Variants in C4orf50 observed in about 807,000 individuals in gnomAD.
C4orf50 encodes chromosome 4 open reading frame 50, also known as uncharacterized protein C4orf50.
C4orf50 carries 80 observed loss-of-function variants against 77.2 expected under a neutral mutation model. That is an observed-to-expected ratio of 1.04 (90% CI 0.87 to 1.25). C4orf50 has a LOEUF of 1.25. Ranked by LOEUF, C4orf50 falls within the 50% of genes most tolerant of loss-of-function variation. The probability of loss-of-function intolerance (pLI) is 0.00; values close to 1 mark genes in which losing one functional copy is unlikely to be tolerated. For missense variants in C4orf50, 1,257 were observed against 1,152.9 expected (o/e 1.09, Z -1.31); for synonymous variants, 532 against 465.3 (o/e 1.14, Z -1.84).
At chr4:5,911,075 G>GT in intron 7 of C4orf50, among the ~76,000 whole-genome samples, 1 of 151,802 alleles carries the variant, frequency 6.6e-6, no homozygotes, top group African/African-American at 2.4e-5. Flanking sequence ...CTGGCTAATT[G>GT]TTTTTTGTAT....
chr4:5,909,693 G>C (rs1032943195), intron 7 of C4orf50, among the ~76,000 whole-genome samples: 2 of 152,238 alleles, frequency 1.3e-5, no homozygotes, highest in Non-Finnish European at 2.9e-5. Context: ...AGTGGTGAGA[G>C]ATAGGGGTCT....
rs1414308271 is a variant in C4orf50, at chr4:6,009,337, C to A, written c.427-805G>T. On this transcript the variant is annotated intron_variant, in intron 24 of 33. Transcript: ENST00000531445. The surrounding 1 kb of genome is among the most constrained non-coding windows in gnomAD (Gnocchi z 5.6). Reference sequence around the variant, plus strand: ...GGGATAGAACTACGTCTACGTTAATCTTTCAACTACTGTCACCTGCCGCTG... The same window carrying A: ...GGGATAGAACTACGTCTACGTTAATATTTCAACTACTGTCACCTGCCGCTG... Among the ~76,000 whole-genome samples the A allele has an allele frequency of 6.6e-6, 1 of 152,230 alleles. No individual in the cohort carries two copies. The highest frequency in any genetic ancestry group is 2.4e-5 in the African/African-American group (1 of 41,464).
chr4:5,912,690 AG>A (rs1716861816), intron 7 of C4orf50, among the ~76,000 whole-genome samples: 1 of 152,218 alleles, frequency 6.6e-6, no homozygotes, highest in African/African-American at 2.4e-5. Context: ...AAGGCCACAG[AG>A]GGAAGCAGGA....
intron 7 of C4orf50, among the ~76,000 whole-genome samples, chr4:5,949,989 C>CA (rs374177600): frequency 0.6 from 69,489 of 114,990 alleles, 20,238 homozygotes; most frequent in Non-Finnish European, 0.69. Flanking sequence ...AACTCCATCT[C>CA]AAAAAAAAAA....
At chr4:6,012,665 C>T (rs1373176643) in intron 23 of C4orf50, among the ~76,000 whole-genome samples, 1 of 152,160 alleles carries the variant, frequency 6.6e-6, no homozygotes, top group Non-Finnish European at 1.5e-5. Context: ...GGCTATGTCA[C>T]AAGCAGGCAT....
intron 31 of C4orf50, among the ~76,000 whole-genome samples, chr4:5,969,281 T>C (rs1023957497): frequency 3.3e-5 from 5 of 151,952 alleles, no homozygotes; most frequent in South Asian, 2.1e-4. Flanking sequence ...GCCTGGATCC[T>C]TGGAGGCCCA....
At chr4:5,934,439 T>C (rs566380959) in intron 7 of C4orf50, among the ~76,000 whole-genome samples, 1 of 152,352 alleles carries the variant, frequency 6.6e-6, no homozygotes, top group South Asian at 2.1e-4. Flanking sequence ...GTGTGGCTTG[T>C]CATCCCTGCA....
At chr4:5,975,927 T>G (rs1425235719) in exon 30 of C4orf50, 11 of 1,614,044 alleles carry the variant, frequency 6.8e-6, no homozygotes, top group Non-Finnish European at 9.3e-6. Flanking sequence ...CAACTTTGCT[T>G]CATGTTGCTT....
At chr4:5,999,432 A>G (rs1365921875) in intron 25 of C4orf50, among the ~76,000 whole-genome samples, 1 of 152,192 alleles carries the variant, frequency 6.6e-6, no homozygotes, top group Non-Finnish European at 1.5e-5. Context: ...AAAGTTGATG[A>G]AAGTCGGCTT....
intron 25 of C4orf50, among the ~76,000 whole-genome samples, chr4:5,995,151 G>A (rs1379657915): frequency 6.6e-6 from 1 of 152,102 alleles, no homozygotes; most frequent in East Asian, 1.9e-4. Flanking sequence ...TTCCTGTGCA[G>A]AGGTCCAGGG....
rs1401461611 is a variant in C4orf50 at position 5,901,220 on chromosome 4, T to C, written c.*2475-3032A>G. 1 of 152,252 alleles carries C rather than the reference T, an allele frequency of 6.6e-6. No individual in the cohort carries two copies. The highest frequency in any genetic ancestry group is 6.5e-5 in the Admixed American group (1 of 15,288). 9.4% of individuals were successfully genotyped at this position (152,252 alleles called of 1,614,324 possible). On this transcript the variant is annotated intron_variant, in intron 7 of 7. Transcript: ENST00000324058. This position sits in a 1 kb window ranked among gnomAD's most constrained non-coding sequence, Gnocchi z 4.4. ...AATTGTCATATGACAGATCACCTTG[T>C]TCATAATGGCACACAGTAGGTGTAT...
chr4:5,945,774 T>C (rs750925240), intron 7 of C4orf50, among the ~76,000 whole-genome samples: 16 of 152,200 alleles, frequency 1.1e-4, no homozygotes, highest in Non-Finnish European at 2.1e-4. Flanking sequence ...GGCTGGGCCC[T>C]GGGCTGGGCT....
Position 5,958,961 on chromosome 4 carries a change from G to A in C4orf50, c.*414C>T, listed in dbSNP as rs543073359. The A allele has an allele frequency of 5.7e-6, 1 of 175,626 alleles. No homozygotes were observed. The highest frequency in any genetic ancestry group is 1.2e-5 in the Non-Finnish European group (1 of 81,240). The allele number at this position is 175,626 out of a possible 1,614,324, so 10.9% of individuals were successfully genotyped here. A position where few individuals can be genotyped will look rare whatever the true frequency, so the allele number is the denominator to read the frequency against. ...ATTCTTTGCTGTAGGAGGCTGGCCT[G>A]GGTATTGTAGGACATTTCATAGCAT... On this transcript the variant is annotated 3_prime_UTR_variant, in exon 34 of 34. Coordinates refer to ENST00000531445, the Ensembl canonical transcript of C4orf50. This position sits in a 1 kb window ranked among gnomAD's most constrained non-coding sequence, Gnocchi z 5.4.
chr4:5,967,336 GC>G, intron 32 of C4orf50, 77 bp downstream of exon 10: 2 of 1,148,946 alleles, frequency 1.7e-6, no homozygotes, highest in Non-Finnish European at 1.3e-6. Flanking sequence ...CTCCCCTCTG[GC>G]CCACCTCTCA....
At chr4:5,898,533 G>C (rs543545381) in intron 7 of C4orf50, 1 of 152,284 alleles carries the variant, frequency 6.6e-6, no homozygotes, top group South Asian at 2.1e-4. Flanking sequence ...CAGAGCCGTC[G>C]CGTGTCTGGC....
intron 25 of C4orf50, among the ~76,000 whole-genome samples, chr4:5,999,062 GACT>G (rs1721717484): frequency 6.6e-6 from 1 of 152,222 alleles, no homozygotes; most frequent in African/African-American, 2.4e-5. Flanking sequence ...GAATCCTCCA[GACT>G]ACAGGTTTGT....
chr4:6,012,505 G>A (rs948254178), intron 23 of C4orf50, among the ~76,000 whole-genome samples: 1 of 152,122 alleles, frequency 6.6e-6, no homozygotes, highest in Non-Finnish European at 1.5e-5. Context: ...CTAAGGAAAT[G>A]ATTGAAATTC....
rs147242674 is a variant in C4orf50 at position 5,942,514 on chromosome 4, T to C, written c.*2474+14387A>G. 1.3e-3 allele frequency among the ~76,000 whole-genome samples: 196 copies of C among 152,334 alleles called. 5 individuals are homozygous for C. In the East Asian group the frequency reaches 0.036, roughly 28 times the overall value. ...AAAATGCCCAGCACAAAGTAAGTAGTGGGGATGAGGGAGGGAGGCTTAAAT... is the reference window on the plus strand; with the variant it reads ...AAAATGCCCAGCACAAAGTAAGTAGCGGGGATGAGGGAGGGAGGCTTAAAT... On this transcript the variant is annotated intron_variant, in intron 7 of 7. Coordinates refer to the C4orf50 transcript ENST00000324058.
At chr4:5,971,581 C>T (rs1239481839) in intron 31 of C4orf50, among the ~76,000 whole-genome samples, 4 of 152,298 alleles carry the variant, frequency 2.6e-5, no homozygotes, top group East Asian at 1.9e-4. Flanking sequence ...TGAATGAATC[C>T]GTCCGATGAC....
Sources: allele counts gnomAD v4.1 joint callset (sites outside exome capture counted in the v4.1 genomes callset), GRCh38; gene constraint gnomAD v4.1.1; non-coding constraint Gnocchi (gnomAD v3.1); transcripts MANE v1.5; gene names NCBI Gene and HGNC (gene_info 2026-07-23, HGNC 2026-07-21).